Variants in DUSP19 observed in about 807,000 individuals in gnomAD.
DUSP19 encodes the protein dual specificity phosphatase 19, also known as dual specificity protein phosphatase 19.
A neutral mutation model predicts 16.6 loss-of-function variants in DUSP19; 14 were observed. That is an observed-to-expected ratio of 0.84 (90% CI 0.56 to 1.32). The LOEUF (loss-of-function observed/expected upper bound fraction) is 1.32, where lower values mean the gene tolerates loss of function less well. Among genes scored for constraint, DUSP19 ranks in the 40% most tolerant of loss-of-function variants. DUSP19 has a pLI of 0.00. For synonymous variants in DUSP19, 81 were observed against 90.5 expected (o/e 0.90, Z 0.59); for missense variants, 258 against 255.9 (o/e 1.01, Z -0.06).
intron 2 of DUSP19, among the ~76,000 whole-genome samples, chr2:183,086,259 A>G (rs1575094381): frequency 6.6e-6 from 1 of 152,310 alleles, no homozygotes; most frequent in Non-Finnish European, 1.5e-5. Flanking sequence ...AGTAAAGAAT[A>G]TGAAGGAAAA....
rs1341514848 is a variant in DUSP19, at chr2:183,087,087, C to T, written c.321C>T (p.Leu107=). 2 of 1,613,012 alleles carry T rather than the reference C, an allele frequency of 1.2e-6. No homozygotes were observed. The highest frequency in any genetic ancestry group is 1.3e-5 in the African/African-American group (1 of 75,028). The change falls in exon 3 of 4, where the codon CTC becomes CTT. Residue 107 remains leucine, a synonymous_variant. Coordinates refer to ENST00000354221, the MANE Select transcript of DUSP19 (RefSeq NM_080876.4). The part of the protein sequence containing the change: ...NVAYGVENAF[L]SDFTYKSISI... ...CATATGGAGTTGAAAATGCTTTCCT[C>T]AGTGACTTTACATATAAGAGCATTT...
chr2:183,089,417 TGGGGATA>T (rs1699703781), intron 3 of DUSP19, among the ~76,000 whole-genome samples: 1 of 152,226 alleles, frequency 6.6e-6, no homozygotes, highest in South Asian at 2.1e-4. Context: ...AGTTTGCCAG[TGGGGATA>T]TAACCAACCC....
At position 183,095,467 on chromosome 2, in the gene DUSP19, T is replaced by G; in HGVS notation, c.463T>G (p.Ser155Ala). The change falls in exon 4 of 4, where the codon TCC (serine) becomes GCC (alanine). Residue 155 changes from serine to alanine, a missense_variant. Physicochemically the swap from Ser to Ala is moderately conservative, Grantham distance 99. Coordinates refer to ENST00000354221, the MANE Select transcript of DUSP19 (RefSeq NM_080876.4). ...VVLVHCNAGV[S>A]RAAAIVIGFL... ...TCTTGTTCATTGTAATGCAGGCGTTTCCAGGGCTGCTGCAATTGTAATAGG... is the reference window on the plus strand; with the variant it reads ...TCTTGTTCATTGTAATGCAGGCGTTGCCAGGGCTGCTGCAATTGTAATAGG... The G allele has an allele frequency of 6.2e-7, 1 of 1,613,798 alleles. No individual in the cohort carries two copies. The highest frequency in any genetic ancestry group is 8.5e-7 in the Non-Finnish European group (1 of 1,179,838).
rs1699788691 is a variant in DUSP19 at position 183,095,497 on chromosome 2, C to G, written c.493C>G (p.Leu165Val). ...SRAAAIVIGF[L>V]MNSEQTSFTS... is the part of the protein sequence containing the mutation. ...GGCTGCTGCAATTGTAATAGGTTTC[C>G]TGATGAATTCTGAACAAACCTCATT... The change falls in exon 4 of 4, where the codon CTG becomes GTG. Residue 165 changes from leucine (L) to valine (V), a missense_variant. By Grantham distance (32) the Leu-to-Val change is conservative. Transcript: ENST00000354221. 1 of 1,613,390 alleles carries G rather than the reference C, an allele frequency of 6.2e-7. No homozygotes were observed. The highest frequency in any genetic ancestry group is 1.3e-5 in the African/African-American group (1 of 74,714).
chr2:183,090,150 C>T (rs1430021151), intron 3 of DUSP19, among the ~76,000 whole-genome samples: 1 of 152,110 alleles, frequency 6.6e-6, no homozygotes, highest in Non-Finnish European at 1.5e-5. Context: ...TCTCTTCATG[C>T]CTTTGTCTAT....
rs1021840626 is a variant in DUSP19 at position 183,085,838 on chromosome 2, G to A, written c.274-1202G>A. Among the ~76,000 whole-genome samples, 146 of 132,960 alleles carry A rather than the reference G, an allele frequency of 1.1e-3. 2 individuals carry two copies. Among genetic ancestry groups the A allele is most frequent in the Non-Finnish European group, 1.3e-3 (84 of 62,920 alleles). The allele number at this position is 132,960 out of a possible 152,430, so 87.2% of individuals were successfully genotyped here. A position where few individuals can be genotyped will look rare whatever the true frequency, so the allele number is the denominator to read the frequency against. The stretch of plus-strand genomic sequence containing the variant: ...AGAGGGGAAGTACAGATGTGGACAA[G>A]GTTGTTAGGTTTTTTTTTTTTTTTT... On this transcript the variant is annotated intron_variant, in intron 2 of 3. Transcript: ENST00000354221.
rs573028633 is a variant in DUSP19 at position 183,089,861 on chromosome 2, C to T, written c.426+2669C>T. On this transcript the variant is annotated intron_variant, in intron 3 of 3. Transcript: ENST00000354221. ...ACAATCTCAGCTCACTGCAACTCCA[C>T]CTCCTGCACTCAAGTGATTCTCCTG... 7.2e-4 allele frequency among the ~76,000 whole-genome samples: 110 copies of T among 152,362 alleles called. 1 individual carries two copies. The highest frequency in any genetic ancestry group is 2.6e-3 in the African/African-American group (108 of 41,584).
At chr2:183,082,419 C>CTTTTTTTTTTTTTTTTTTTTTTTTTT (rs71008260) in intron 1 of DUSP19, among the ~76,000 whole-genome samples, 2 of 84,830 alleles carry the variant, frequency 2.4e-5, no homozygotes, top group Non-Finnish European at 4.3e-5. Flanking sequence ...GAACATTTTT[C>CTTTTTTTTTTTTTTTTTTTTTTTTTT]TTTTTTTTTT....
intron 1 of DUSP19, among the ~76,000 whole-genome samples, chr2:183,079,939 G>C (rs1699571803): frequency 6.6e-6 from 1 of 152,354 alleles, no homozygotes; most frequent in South Asian, 2.1e-4. Flanking sequence ...CTTGAATAGA[G>C]AGAAGACTGA....
chr2:183,098,912 T>C lies in DUSP19; in HGVS notation c.*3254T>C, dbSNP rs1699838309. The C allele has an allele frequency of 1.3e-5, 2 of 152,226 alleles. No individual in the cohort carries two copies. The highest frequency in any genetic ancestry group is 4.8e-5 in the African/African-American group (2 of 41,474). The allele number at this position is 152,226 out of a possible 1,614,324, so 9.4% of individuals were successfully genotyped here. A position where few individuals can be genotyped will look rare whatever the true frequency, so the allele number is the denominator to read the frequency against. Reference sequence around the variant, plus strand: ...TTCTTAGATTTTTGGAGGCAAAATTTAGACCAGTATACTAATTCAAAAGAC... The same window carrying C: ...TTCTTAGATTTTTGGAGGCAAAATTCAGACCAGTATACTAATTCAAAAGAC... On this transcript the variant is annotated 3_prime_UTR_variant, in exon 4 of 4. Transcript: ENST00000354221.
At chr2:183,091,915 G>A (rs1287664313) in intron 3 of DUSP19, among the ~76,000 whole-genome samples, 6 of 152,118 alleles carry the variant, frequency 3.9e-5, no homozygotes, top group African/African-American at 1.2e-4. Flanking sequence ...TTTCAAAGCA[G>A]TCTACCCATC....
At chr2:183,087,653 T>C (rs1699679254) in intron 3 of DUSP19, among the ~76,000 whole-genome samples, 1 of 152,242 alleles carries the variant, frequency 6.6e-6, no homozygotes, top group Admixed American at 6.5e-5. Context: ...GAAGTCAACA[T>C]TCTGACAGGC....
chr2:183,093,387 A>T (rs549477401), intron 3 of DUSP19, among the ~76,000 whole-genome samples: 1 of 152,354 alleles, frequency 6.6e-6, no homozygotes, highest in Admixed American at 6.5e-5. Context: ...GACATTCCTC[A>T]TACCCTCATT....
In DUSP19 at chr2:183,087,080, C is replaced by T; in HGVS notation, c.314C>T (p.Ala105Val). The change falls in exon 3 of 4, where the codon GCT becomes GTT. Residue 105 changes from alanine (A) to valine (V), a missense_variant. By Grantham distance (64) the Ala-to-Val change is moderately conservative. Transcript: ENST00000354221. Reference sequence around the variant, plus strand: ...AATGTTGCATATGGAGTTGAAAATGCTTTCCTCAGTGACTTTACATATAAG... The same window carrying T: ...AATGTTGCATATGGAGTTGAAAATGTTTTCCTCAGTGACTTTACATATAAG... ...ILNVAYGVEN[A>V]FLSDFTYKSI... The T allele has an allele frequency of 1.2e-6, 2 of 1,612,748 alleles. No individual in the cohort carries two copies. The highest frequency in any genetic ancestry group is 1.7e-6 in the Non-Finnish European group (2 of 1,179,746).
intron 1 of DUSP19, among the ~76,000 whole-genome samples, chr2:183,082,305 C>G (rs1385505277): frequency 6.6e-6 from 1 of 151,402 alleles, no homozygotes; most frequent in East Asian, 1.9e-4. Flanking sequence ...ACATTTTGTT[C>G]TATGTATACC....
chr2:183,086,947 C>A, intron 2 of DUSP19, 93 bp from the exon 3 acceptor site: 1 of 1,269,300 alleles, frequency 7.9e-7, no homozygotes, highest in Non-Finnish European at 1.1e-6. Context: ...AAATTTTTTA[C>A]CTTTCTTGTT....
chr2:183,089,180 G>A (rs1194684371), intron 3 of DUSP19, among the ~76,000 whole-genome samples: 1 of 152,214 alleles, frequency 6.6e-6, no homozygotes, highest in Non-Finnish European at 1.5e-5. Flanking sequence ...AGAGTGGCAA[G>A]AAAGGAAAGT....
chr2:183,095,509 G>T lies in DUSP19; in HGVS notation c.505G>T (p.Glu169Ter). The T allele has an allele frequency of 6.2e-7, 1 of 1,612,146 alleles. No homozygotes were observed. Among genetic ancestry groups the T allele is most frequent in the South Asian group, 1.1e-5 (1 of 91,034 alleles). Residue 169 changes from glutamate (E) to a stop codon, truncating the protein, a stop_gained, in exon 4 of 4, where the codon GAA (glutamate) becomes TAA (stop). Transcript: ENST00000354221. LOFTEE classifies it high-confidence loss of function. ...AIVIGFLMNS[E>*]QTSFTSAFSL... is the part of the protein sequence containing the mutation. Reference sequence around the variant, plus strand: ...TGTAATAGGTTTCCTGATGAATTCTGAACAAACCTCATTTACCAGTGCTTT... The same window carrying T: ...TGTAATAGGTTTCCTGATGAATTCTTAACAAACCTCATTTACCAGTGCTTT...
At chr2:183,084,091 C>A (rs1699628983) in intron 2 of DUSP19, among the ~76,000 whole-genome samples, 1 of 152,058 alleles carries the variant, frequency 6.6e-6, no homozygotes, top group Non-Finnish European at 1.5e-5. Flanking sequence ...ACCTAAGGGG[C>A]AGACAGAGAA....
Sources: gnomAD v4.1 joint callset for allele counts (sites outside exome capture counted in the v4.1 genomes callset) on GRCh38, gnomAD v4.1.1 for gene constraint, MANE v1.5 for transcripts, NCBI Gene and HGNC (gene_info 2026-07-23, HGNC 2026-07-21) for gene names.